The following CTCF variants were observed in gnomAD, a reference collection of about 807,000 sequenced individuals.
CTCF encodes transcriptional repressor CTCF.
In CTCF, 7 loss-of-function variants were observed where a neutral mutation model predicts 72.3. The ratio of observed to expected loss-of-function variants is 0.10; its 90% confidence interval spans 0.06 to 0.18. The LOEUF (loss-of-function observed/expected upper bound fraction) is 0.18. Among genes scored for constraint, CTCF ranks in the 10% least tolerant of loss-of-function variants. The pLI is 1.00. For synonymous variants in CTCF, 374 were observed against 315.8 expected (o/e 1.18, Z -1.95); for missense variants, 516 against 949.1 (o/e 0.54, Z 6.00).
chr16:67,635,303 A>C, intron 10 of CTCF, among the ~76,000 whole-genome samples: 1 of 151,574 alleles, frequency 6.6e-6, no homozygotes, highest in East Asian at 2.0e-4. Context: ...TACAGGTGTG[A>C]GCCACCATGC....
intron 7 of CTCF, among the ~76,000 whole-genome samples, chr16:67,625,797 G>T (rs1393259571): frequency 6.6e-6 from 1 of 150,936 alleles, no homozygotes; most frequent in Non-Finnish European, 1.5e-5. Context: ...AAACTTCTCT[G>T]TCCCCTATGC....
In CTCF at chr16:67,626,856, G is replaced by A. The variant is rs925398878; in HGVS notation, c.1518+141G>A. 1.9e-5 allele frequency: 10 copies of A among 519,116 alleles called. No homozygotes were observed. In the African/African-American group the frequency reaches 2.0e-4, roughly 10 times the overall value. 32.2% of individuals were successfully genotyped at this position (519,116 alleles called of 1,614,324 possible). A position where few individuals can be genotyped will look rare whatever the true frequency, so the allele number is the denominator to read the frequency against. On this transcript the variant is annotated intron_variant, in intron 8 of 11. Transcript: ENST00000264010. The stretch of plus-strand genomic sequence containing the variant: ...TATGAGGAATGTCACCAAAATCAAA[G>A]GTCATGCTCCTTGTCAATTGTGTCA...
chr16:67,569,483 C>T (rs2051384963), intron 1 of CTCF, among the ~76,000 whole-genome samples: 1 of 152,086 alleles, frequency 6.6e-6, no homozygotes, highest in South Asian at 2.1e-4. Context: ...TGTGCCTGGC[C>T]TGGGATTTTC....
intron 2 of CTCF, among the ~76,000 whole-genome samples, chr16:67,609,695 C>T (rs926159094): frequency 8.3e-4 from 125 of 150,504 alleles, no homozygotes; most frequent in Middle Eastern, 3.4e-3. Flanking sequence ...GCGATCTTGG[C>T]TCACTGCAAG....
intron 2 of CTCF, among the ~76,000 whole-genome samples, chr16:67,580,903 A>G (rs977739732): frequency 7.3e-5 from 11 of 150,908 alleles, no homozygotes; most frequent in Non-Finnish European, 1.0e-4. Context: ...GGCGTGAGCC[A>G]CCGCACCAGG....
intron 7 of CTCF, among the ~76,000 whole-genome samples, chr16:67,625,954 A>T (rs370383039): frequency 2.2e-4 from 33 of 151,856 alleles, no homozygotes; most frequent in African/African-American, 7.7e-4. Flanking sequence ...CAGTCACTAA[A>T]TCCTGTTGAT....
intron 2 of CTCF, among the ~76,000 whole-genome samples, chr16:67,574,704 G>A (rs1426115984): frequency 3.0e-5 from 4 of 132,578 alleles, no homozygotes; most frequent in Non-Finnish European, 6.3e-5. Flanking sequence ...TGTTGCCCAG[G>A]CTGAAGTGCA....
intron 2 of CTCF, among the ~76,000 whole-genome samples, chr16:67,593,693 T>G (rs2051775616): frequency 6.6e-6 from 1 of 152,196 alleles, no homozygotes; most frequent in African/African-American, 2.4e-5. Context: ...ACCAAGAGAA[T>G]GCAGATAGAC....
intron 2 of CTCF, among the ~76,000 whole-genome samples, chr16:67,583,643 C>G (rs1329301070): frequency 6.6e-6 from 1 of 151,538 alleles, no homozygotes; most frequent in Non-Finnish European, 1.5e-5. Flanking sequence ...GCCAAGATTG[C>G]TCCATTGCAC....
intron 7 of CTCF, among the ~76,000 whole-genome samples, chr16:67,626,023 C>T (rs1250348610): frequency 2.0e-5 from 3 of 152,064 alleles, no homozygotes; most frequent in Non-Finnish European, 4.4e-5. Flanking sequence ...TTGTCATCAC[C>T]CTTGTCCCAG....
intron 2 of CTCF, among the ~76,000 whole-genome samples, chr16:67,576,974 G>C (rs2051506379): frequency 6.6e-6 from 1 of 152,106 alleles, no homozygotes; most frequent in African/African-American, 2.4e-5. Flanking sequence ...ATATTGGGGA[G>C]GGGACTGCGA....
intron 10 of CTCF, among the ~76,000 whole-genome samples, chr16:67,631,396 C>A (rs927132737): frequency 1.3e-5 from 2 of 151,856 alleles, no homozygotes; most frequent in Admixed American, 6.6e-5. Flanking sequence ...AACCCCTGAC[C>A]TCAGGTGATC....
chr16:67,608,448 G>A (rs967679855), intron 2 of CTCF, among the ~76,000 whole-genome samples: 2 of 152,148 alleles, frequency 1.3e-5, no homozygotes, highest in East Asian at 3.9e-4. Context: ...GCAGTTTTGT[G>A]CAGTGTCTAC....
At chr16:67,569,987 G>A (rs1007698739) in intron 1 of CTCF, among the ~76,000 whole-genome samples, 1 of 152,104 alleles carries the variant, frequency 6.6e-6, no homozygotes, top group Non-Finnish European at 1.5e-5. Context: ...TTTACTTGTG[G>A]CATGAACAAA....
chr16:67,583,464 A>G (rs1597688700), intron 2 of CTCF, among the ~76,000 whole-genome samples: 1 of 151,846 alleles, frequency 6.6e-6, no homozygotes, highest in Non-Finnish European at 1.5e-5. Flanking sequence ...AGGCAGGTGG[A>G]TCACCTGAGG....
chr16:67,619,749 A>C (rs948218661), intron 5 of CTCF, among the ~76,000 whole-genome samples: 1 of 151,898 alleles, frequency 6.6e-6, no homozygotes, highest in African/African-American at 2.4e-5. Context: ...ACACCCAACT[A>C]ATTTTTGTAT....
chr16:67,598,340 C>G lies in CTCF; in HGVS notation c.-9-12484C>G, dbSNP rs150831050. The stretch of plus-strand genomic sequence containing the variant: ...ATTTTCAGTTCACGTTATTCTTTTT[C>G]TTGTATCTTTTTATGTTTATGTATA... On this transcript the variant is annotated intron_variant, in intron 2 of 11. Transcript: ENST00000264010. Among the ~76,000 whole-genome samples, 217 of 152,150 alleles carry G rather than the reference C, an allele frequency of 1.4e-3. 1 individual carries two copies. Among genetic ancestry groups the G allele is most frequent in the African/African-American group, 4.7e-3 (197 of 41,494 alleles).
intron 5 of CTCF, among the ~76,000 whole-genome samples, chr16:67,620,350 G>A (rs940360477): frequency 1.4e-4 from 22 of 152,022 alleles, no homozygotes; most frequent in African/African-American, 4.8e-4. Flanking sequence ...ACAGGCGTGT[G>A]CCACCATGCT....
At chr16:67,596,309 T>C (rs1257144088) in intron 2 of CTCF, among the ~76,000 whole-genome samples, 2 of 152,214 alleles carry the variant, frequency 1.3e-5, no homozygotes, top group East Asian at 3.8e-4. Context: ...GCTGTCACAT[T>C]ATTTTAGTTT....
Sources: allele counts gnomAD v4.1 joint callset (sites outside exome capture counted in the v4.1 genomes callset), GRCh38; gene constraint gnomAD v4.1.1; transcripts MANE v1.5; gene names NCBI Gene and HGNC (gene_info 2026-07-23, HGNC 2026-07-21).